Variants in CWH43 observed in about 807,000 individuals in gnomAD.
CWH43 encodes the protein cell wall biogenesis 43 C-terminal homolog.
In CWH43, 91 loss-of-function variants were observed where a neutral mutation model predicts 85.7. The observed-to-expected ratio is 1.06, with a 90% CI of 0.90 to 1.26. The LOEUF (loss-of-function observed/expected upper bound fraction) is 1.26. CWH43 is among the 50% of genes most tolerant of loss of function. CWH43 has a pLI of 0.00. For synonymous variants in CWH43, 323 were observed against 293.6 expected (o/e 1.10, Z -1.02); for missense variants, 869 against 839.2 (o/e 1.04, Z -0.44).
At chr4:49,024,286 T>A (rs1297639357) in intron 9 of CWH43, among the ~76,000 whole-genome samples, 4 of 152,202 alleles carry the variant, frequency 2.6e-5, no homozygotes, top group African/African-American at 9.6e-5. Flanking sequence ...GTTGGTAAAT[T>A]CTTACCAGTT....
At chr4:49,035,152 CTACAGTACTAG>C (rs1457109022) in intron 12 of CWH43, among the ~76,000 whole-genome samples, 3 of 152,102 alleles carry the variant, frequency 2.0e-5, no homozygotes, top group African/African-American at 7.2e-5. Flanking sequence ...TCTTTGTTTT[CTACAGTACTAG>C]ATACACAAAT....
chr4:49,020,266 A>G (rs904642124), intron 9 of CWH43, among the ~76,000 whole-genome samples: 4 of 152,058 alleles, frequency 2.6e-5, no homozygotes, highest in Non-Finnish European at 5.9e-5. Flanking sequence ...GCAAGAATAT[A>G]TAATATTTGG....
Position 49,061,950 on chromosome 4 carries a change from A to C in CWH43, c.*60A>C, listed in dbSNP as rs1463956416. ...TCTAAGAAAAAAAGTATGTAAGATA[A>C]AAAGAAGAGATTAATGAAAGTGGGA... On this transcript the variant is annotated 3_prime_UTR_variant, in exon 16 of 16. Coordinates refer to ENST00000226432, the MANE Select transcript of CWH43 (RefSeq NM_025087.3). 11 of 1,202,914 alleles carry C rather than the reference A, an allele frequency of 9.1e-6. No individual in the cohort carries two copies. Among genetic ancestry groups the C allele is most frequent in the East Asian group, 6.2e-5 (2 of 32,408 alleles). The allele number at this position is 1,202,914 out of a possible 1,614,324, so 74.5% of individuals were successfully genotyped here. A position where few individuals can be genotyped will look rare whatever the true frequency, so the allele number is the denominator to read the frequency against.
chr4:49,024,907 G>A (rs1783860584), intron 9 of CWH43, among the ~76,000 whole-genome samples: 1 of 152,038 alleles, frequency 6.6e-6, no homozygotes, highest in African/African-American at 2.4e-5. Flanking sequence ...TCTCTAGCAA[G>A]GCTAGGGAAG....
intron 8 of CWH43, among the ~76,000 whole-genome samples, chr4:49,014,923 A>G (rs559071840): frequency 6.6e-6 from 1 of 152,284 alleles, no homozygotes; most frequent in Non-Finnish European, 1.5e-5. Flanking sequence ...GTTCACTTTT[A>G]GCTTTGTACA....
chr4:48,993,175 C>T (rs778131250), intron 4 of CWH43, among the ~76,000 whole-genome samples: 1 of 152,192 alleles, frequency 6.6e-6, no homozygotes, highest in Non-Finnish European at 1.5e-5. Context: ...GACTGTTCAC[C>T]CTGCACCTTC....
chr4:49,028,428 A>C (rs1157583979), intron 9 of CWH43, among the ~76,000 whole-genome samples: 2 of 152,226 alleles, frequency 1.3e-5, no homozygotes, highest in Non-Finnish European at 2.9e-5. Context: ...TCCAAACTTA[A>C]GCTAGAAGTT....
intron 6 of CWH43, chr4:49,003,526 T>C (rs1320252375): frequency 1.9e-6 from 1 of 528,800 alleles, no homozygotes; most frequent in East Asian, 2.9e-5. Context: ...TGAGATTTAC[T>C]AGATCCACAT....
intron 13 of CWH43, among the ~76,000 whole-genome samples, chr4:49,043,210 C>T (rs1784521626): frequency 6.6e-6 from 1 of 152,198 alleles, no homozygotes; most frequent in Admixed American, 6.5e-5. Context: ...AAGATAACAT[C>T]TGCAAAGCCC....
chr4:49,051,086 C>T (rs762826631), intron 15 of CWH43, among the ~76,000 whole-genome samples: 1 of 152,276 alleles, frequency 6.6e-6, no homozygotes, highest in East Asian at 1.9e-4. Flanking sequence ...TCATCATCAT[C>T]ATTATCATCA....
At chr4:49,048,905 G>A (rs973855253) in intron 14 of CWH43, among the ~76,000 whole-genome samples, 1 of 152,112 alleles carries the variant, frequency 6.6e-6, no homozygotes, top group African/African-American at 2.4e-5. Flanking sequence ...AACTAATTTT[G>A]TAAGCCTTCA....
chr4:48,986,659 T>G, intron 1 of CWH43, 187 bp downstream of exon 1: 1 of 1,378,174 alleles, frequency 7.3e-7, no homozygotes, highest in Non-Finnish European at 9.4e-7. Context: ...AAGACCTAGA[T>G]TGAAGTCTTC....
chr4:49,010,268 G>A (rs1560493569), intron 8 of CWH43, among the ~76,000 whole-genome samples: 2 of 152,180 alleles, frequency 1.3e-5, no homozygotes, highest in Admixed American at 6.5e-5. Context: ...TTGCATAGAG[G>A]TGTTTATAGT....
Position 48,994,621 on chromosome 4 carries a change from G to C in CWH43, c.514G>C (p.Gly172Arg), listed in dbSNP as rs771804892. The C allele has an allele frequency of 6.2e-7, 1 of 1,609,258 alleles. No individual in the cohort carries two copies. Among genetic ancestry groups the C allele is most frequent in the East Asian group, 2.2e-5 (1 of 44,876 alleles). ...IATLDRIGTD[G>R]DCSKPEEKKT... ...ATATATGTATTTTTAAATTCTAGAT[G>C]GTGACTGCAGTAAACCTGAAGAAAA... Residue 172 changes from glycine to arginine, a missense_variant and splice_region_variant, in exon 5 of 16, where the codon GGT (glycine) becomes CGT (arginine). Coordinates refer to ENST00000226432, the MANE Select transcript of CWH43 (RefSeq NM_025087.3).
At chr4:49,059,869 C>T (rs1437357574) in intron 15 of CWH43, among the ~76,000 whole-genome samples, 10 of 152,070 alleles carry the variant, frequency 6.6e-5, no homozygotes, top group African/African-American at 2.4e-4. Context: ...AGGCCTTCAG[C>T]CTGAGTCTGC....
chr4:48,987,650 A>C (rs1296898147), intron 1 of CWH43, among the ~76,000 whole-genome samples: 1 of 152,214 alleles, frequency 6.6e-6, no homozygotes, highest in Non-Finnish European at 1.5e-5. Context: ...CAGATGGTAC[A>C]TGTTAATACT....
chr4:49,030,818 T>A lies in CWH43; in HGVS notation c.1373-7T>A. On this transcript the variant is annotated splice_polypyrimidine_tract_variant and splice_region_variant and intron_variant, in intron 10 of 15. Coordinates refer to ENST00000226432, the MANE Select transcript of CWH43 (RefSeq NM_025087.3). Reference sequence around the variant, plus strand: ...TCACTGTATGCTACTTTTTTTTTTCTGAACAGGTGCAGATTTCATAACAAT... The same window carrying A: ...TCACTGTATGCTACTTTTTTTTTTCAGAACAGGTGCAGATTTCATAACAAT... The A allele has an allele frequency of 6.4e-7, 1 of 1,557,886 alleles. No homozygotes were observed. The highest frequency in any genetic ancestry group is 1.2e-5 in the South Asian group (1 of 81,856).
At chr4:49,056,747 T>C (rs1441025552) in intron 15 of CWH43, among the ~76,000 whole-genome samples, 1 of 152,078 alleles carries the variant, frequency 6.6e-6, no homozygotes, top group Non-Finnish European at 1.5e-5. Flanking sequence ...AAAGTTAGGT[T>C]GTTTGATGTC....
At chr4:49,004,065 A>T (rs1434607202) in intron 7 of CWH43, 73 bp downstream of exon 7, 1 of 1,305,290 alleles carries the variant, frequency 7.7e-7, no homozygotes, top group Non-Finnish European at 1.0e-6. Context: ...AGGATTTAGC[A>T]CTTTATGTAA....
Sources: allele counts gnomAD v4.1 joint callset (sites outside exome capture counted in the v4.1 genomes callset), GRCh38; gene constraint gnomAD v4.1.1; transcripts MANE v1.5; gene names NCBI Gene and HGNC (gene_info 2026-07-23, HGNC 2026-07-21).